Variants in SYT2 observed in about 807,000 individuals in gnomAD.
SYT2 encodes synaptotagmin 2.
In SYT2, 15 loss-of-function variants were observed where a neutral mutation model predicts 39.9. The ratio of observed to expected loss-of-function variants is 0.38; its 90% CI spans 0.25 to 0.58. SYT2 has a LOEUF of 0.58. SYT2 is among the 20% of genes least tolerant of loss of function. The probability of loss-of-function intolerance (pLI) is 0.70; values close to 1 mark genes in which losing one functional copy is unlikely to be tolerated. For synonymous variants in SYT2, 181 were observed against 204.5 expected (o/e 0.89, Z 0.98); for missense variants, 389 against 530.3 (o/e 0.73, Z 2.62).
chr1:202,632,165 T>C (rs1229324811), intron 1 of SYT2: 3 of 817,762 alleles, frequency 3.7e-6, no homozygotes, highest in Non-Finnish European at 4.4e-6. Flanking sequence ...ACTAGATAAT[T>C]TGTGGGGCAC....
At chr1:202,677,148 TTCA>T (rs1653397608) in intron 1 of SYT2, among the ~76,000 whole-genome samples, 1 of 152,210 alleles carries the variant, frequency 6.6e-6, no homozygotes, top group South Asian at 2.1e-4. Flanking sequence ...ATCTCTCTTC[TTCA>T]TAAGTTACCC....
At chr1:202,680,489 T>C (rs981701534) in intron 1 of SYT2, among the ~76,000 whole-genome samples, 1 of 152,080 alleles carries the variant, frequency 6.6e-6, no homozygotes, top group Non-Finnish European at 1.5e-5. Flanking sequence ...TGAAGTGAGC[T>C]ATGATCATGC....
chr1:202,671,006 T>C (rs569165436), intron 1 of SYT2, among the ~76,000 whole-genome samples: 101 of 152,294 alleles, frequency 6.6e-4, no homozygotes, highest in Admixed American at 4.8e-3. Flanking sequence ...TCAGGGTTGA[T>C]ACAGGCGAGG....
chr1:202,702,920 G>T lies in SYT2; in HGVS notation c.-18+7338C>A, dbSNP rs370716330. Among the ~76,000 whole-genome samples, 416 of 152,260 alleles carry T rather than the reference G, an allele frequency of 2.7e-3. 3 individuals carry two copies. The highest frequency in any genetic ancestry group is 9.6e-3 in the African/African-American group (400 of 41,540). On this transcript the variant is annotated intron_variant, in intron 1 of 8. Transcript: ENST00000367268. ...AGCCCCTCTCCAGGCCCCCCTCCTTGCGGCCTCACAGCTCTCCTCTAATCT... is the reference window on the plus strand; with the variant it reads ...AGCCCCTCTCCAGGCCCCCCTCCTTTCGGCCTCACAGCTCTCCTCTAATCT...
rs531863166 is a variant in SYT2 at position 202,593,255 on chromosome 1, C to G, written c.*3502G>C. 3.3e-5 allele frequency: 5 copies of G among 152,200 alleles called. No homozygotes were observed. The highest frequency in any genetic ancestry group is 5.9e-5 in the Non-Finnish European group (4 of 68,042). The allele number at this position is 152,200 out of a possible 1,614,324, so 9.4% of individuals were successfully genotyped here. A position where few individuals can be genotyped will look rare whatever the true frequency, so the allele number is the denominator to read the frequency against. ...GGACTCAGATGCCTTATGAATTAAC[C>G]TAGGACATTAAGGGAACATGGAAGC... is the stretch of plus-strand genomic sequence containing the variant. On this transcript the variant is annotated 3_prime_UTR_variant, in exon 9 of 9. Transcript: ENST00000367268.
Position 202,684,921 on chromosome 1 carries a change from G to C in SYT2, c.-18+25337C>G, listed in dbSNP as rs182146254. Among the ~76,000 whole-genome samples, 70 of 152,304 alleles carry C rather than the reference G, an allele frequency of 4.6e-4. No individual in the cohort carries two copies. The South Asian group carries it at 0.014, about 31-fold the overall frequency. ...CCTGATGCCCTCCAGGACACAGCAG[G>C]GGGGATGACATGCTCAAAAGGTATT... On this transcript the variant is annotated intron_variant, in intron 1 of 8. Coordinates refer to ENST00000367268, the MANE Select transcript of SYT2 (RefSeq NM_177402.5).
intron 1 of SYT2, among the ~76,000 whole-genome samples, chr1:202,637,058 G>A (rs1691759024): frequency 6.6e-6 from 1 of 152,072 alleles, no homozygotes; most frequent in Non-Finnish European, 1.5e-5. Flanking sequence ...GGTGGTTCAC[G>A]CCTGTAATCC....
chr1:202,704,319 G>A (rs746472281), intron 1 of SYT2, among the ~76,000 whole-genome samples: 36 of 152,194 alleles, frequency 2.4e-4, no homozygotes, highest in Non-Finnish European at 4.4e-4. Context: ...CTGGCCTTGG[G>A]GAGCGCCCAG....
At chr1:202,662,126 T>C (rs748113045) in intron 1 of SYT2, among the ~76,000 whole-genome samples, 14 of 152,178 alleles carry the variant, frequency 9.2e-5, no homozygotes, top group Non-Finnish European at 1.0e-4. Flanking sequence ...AGCAGAGTTT[T>C]TGGGGGGAGA....
chr1:202,654,072 C>A (rs993870821), intron 1 of SYT2, among the ~76,000 whole-genome samples: 1 of 152,162 alleles, frequency 6.6e-6, no homozygotes, highest in African/African-American at 2.4e-5. Flanking sequence ...CCACTCTAGG[C>A]CCCAAAAAGA....
intron 1 of SYT2, among the ~76,000 whole-genome samples, chr1:202,705,031 G>A (rs141085900): frequency 4.6e-5 from 7 of 152,338 alleles, no homozygotes; most frequent in African/African-American, 1.2e-4. Context: ...TCTACTCAAC[G>A]CGTTAGTGGC....
intron 1 of SYT2, among the ~76,000 whole-genome samples, chr1:202,700,779 T>C (rs1654102826): frequency 6.6e-6 from 1 of 152,200 alleles, no homozygotes; most frequent in African/African-American, 2.4e-5. Flanking sequence ...GATTGAAAGA[T>C]GAAAGAAAAT....
At chr1:202,617,514 G>A (rs1278247628) in intron 1 of SYT2, among the ~76,000 whole-genome samples, 3 of 152,190 alleles carry the variant, frequency 2.0e-5, no homozygotes, top group African/African-American at 4.8e-5. Flanking sequence ...TGTACAGCCT[G>A]TGGAACTTCG....
chr1:202,631,309 G>T, intron 1 of SYT2, among the ~76,000 whole-genome samples: 1 of 152,092 alleles, frequency 6.6e-6, no homozygotes, highest in African/African-American at 2.4e-5. Context: ...ACCTGGGGTG[G>T]CTCCTATCAG....
At chr1:202,701,795 A>G (rs1654129292) in intron 1 of SYT2, among the ~76,000 whole-genome samples, 1 of 152,152 alleles carries the variant, frequency 6.6e-6, no homozygotes, top group Non-Finnish European at 1.5e-5. Context: ...CGTGGCCCCC[A>G]TCTTGATTAC....
rs775108762 is a variant in SYT2 at position 202,594,836 on chromosome 1, C to T, written c.*1921G>A. ...GGTGGGGGTATTCCCTCATTTCCCT[C>T]ACTCCTTCATCCAAAAAACAAAGCA... On this transcript the variant is annotated 3_prime_UTR_variant, in exon 9 of 9. Coordinates refer to ENST00000367268, the MANE Select transcript of SYT2 (RefSeq NM_177402.5). 1.3e-5 allele frequency: 2 copies of T among 152,178 alleles called. No individual in the cohort carries two copies. Among genetic ancestry groups the T allele is most frequent in the Non-Finnish European group, 2.9e-5 (2 of 68,032 alleles). The allele number at this position is 152,178 out of a possible 1,614,324, so 9.4% of individuals were successfully genotyped here. A position where few individuals can be genotyped will look rare whatever the true frequency, so the allele number is the denominator to read the frequency against.
intron 1 of SYT2, among the ~76,000 whole-genome samples, chr1:202,646,448 C>T (rs1692083583): frequency 6.6e-6 from 1 of 152,134 alleles, no homozygotes; most frequent in African/African-American, 2.4e-5. Context: ...TTCTAGTCTC[C>T]CCACAACACT....
rs571861530 is a variant in SYT2, at chr1:202,615,080, G to A, written c.-17-9291C>T. ...GAGTTGAAAACAGCCAATAACAAAT[G>A]TCATCCCCGAGCTCTTATGAAAGAC... On this transcript the variant is annotated intron_variant, in intron 1 of 8. Transcript: ENST00000367268. Among the ~76,000 whole-genome samples the A allele has an allele frequency of 2.6e-5, 4 of 152,308 alleles. No individual in the cohort carries two copies. In the South Asian group the frequency reaches 8.3e-4, roughly 32 times the overall value.
At chr1:202,671,158 G>A (rs535256163) in intron 1 of SYT2, among the ~76,000 whole-genome samples, 2 of 152,352 alleles carry the variant, frequency 1.3e-5, no homozygotes, top group South Asian at 4.1e-4. Flanking sequence ...CCTCCTTTTA[G>A]AAACAAAGTC....
Sources: allele counts gnomAD v4.1 joint callset (sites outside exome capture counted in the v4.1 genomes callset), GRCh38; gene constraint gnomAD v4.1.1; transcripts MANE v1.5; gene names NCBI Gene and HGNC (gene_info 2026-07-23, HGNC 2026-07-21).